RGS6: variants seen among roughly 807,000 people sequenced by gnomAD.
The protein encoded by RGS6 is regulator of G-protein signaling 6.
In RGS6, 30 loss-of-function variants were observed where a neutral mutation model predicts 78.5. The observed-to-expected ratio is 0.38, with a 90% CI of 0.29 to 0.52. The LOEUF (loss-of-function observed/expected upper bound fraction) is 0.52, where lower values mean the gene tolerates loss of function less well. RGS6 is among the 20% of genes least tolerant of loss of function. The probability of loss-of-function intolerance (pLI) is 0.85; values close to 1 mark genes in which losing one functional copy is unlikely to be tolerated. For synonymous variants in RGS6, 206 were observed against 206.0 expected (o/e 1.00, Z 0.00); for missense variants, 495 against 609.7 (o/e 0.81, Z 1.98).
At chr14:72,168,542 A>G (rs575009450) in intron 2 of RGS6, among the ~76,000 whole-genome samples, 1 of 152,362 alleles carries the variant, frequency 6.6e-6, no homozygotes, top group African/African-American at 2.4e-5. Context: ...GGCGTAAGAT[A>G]TCTCATCAAT....
chr14:72,415,954 C>G (rs912369639), intron 3 of RGS6, among the ~76,000 whole-genome samples: 1 of 151,988 alleles, frequency 6.6e-6, no homozygotes, highest in Non-Finnish European at 1.5e-5. Context: ...TCAAGACCAG[C>G]CTGACCAACG....
At chr14:72,398,400 C>T (rs565492309) in intron 3 of RGS6, among the ~76,000 whole-genome samples, 341 of 152,050 alleles carry the variant, frequency 2.2e-3, no homozygotes, top group African/African-American at 7.6e-3. Context: ...TGGTGATATC[C>T]CCTTTATCAT....
chr14:72,476,843 G>A lies in RGS6; in HGVS notation c.792+3G>A. The A allele has an allele frequency of 6.2e-7, 1 of 1,612,978 alleles. No individual in the cohort carries two copies. The highest frequency in any genetic ancestry group is 1.1e-5 in the South Asian group (1 of 91,050). On this transcript the variant is annotated splice_donor_region_variant and intron_variant, in intron 11 of 17. Transcript: ENST00000553525. The stretch of plus-strand genomic sequence containing the variant: ...CAAAAGAGGACATCCGGAAACAGGT[G>A]AATGAATTGACAGCTTGCACTCTCA...
At chr14:72,237,252 T>A (rs1026740250) in intron 2 of RGS6, among the ~76,000 whole-genome samples, 1 of 152,224 alleles carries the variant, frequency 6.6e-6, no homozygotes, top group African/African-American at 2.4e-5. Flanking sequence ...TATTTACTTA[T>A]CGATGGTCAC....
At chr14:71,885,653 A>G in the RGS6 span, among the ~76,000 whole-genome samples, 1 of 152,214 alleles carries the variant, frequency 6.6e-6, no homozygotes, top group Non-Finnish European at 1.5e-5. Context: ...GCTGTTGGAG[A>G]GTCTAAAACA....
intron 2 of RGS6, among the ~76,000 whole-genome samples, chr14:72,170,920 A>G (rs981330755): frequency 1.3e-5 from 2 of 152,210 alleles, no homozygotes; most frequent in African/African-American, 4.8e-5. Context: ...CTCAGGGTGC[A>G]TGCTGTCTCT....
chr14:72,444,381 G>A (rs1328086608), intron 3 of RGS6, among the ~76,000 whole-genome samples: 1 of 152,060 alleles, frequency 6.6e-6, no homozygotes, highest in East Asian at 1.9e-4. Context: ...GAGGTGAGGG[G>A]GGATGGGGCT....
chr14:72,620,875 G>A, the RGS6 span, among the ~76,000 whole-genome samples: 12 of 152,294 alleles, frequency 7.9e-5, no homozygotes, highest in African/African-American at 2.2e-4. Context: ...GCGCTGTGGC[G>A]CATGCCTGTA....
intron 3 of RGS6, among the ~76,000 whole-genome samples, chr14:72,356,265 A>T (rs1371830183): frequency 6.6e-6 from 1 of 152,026 alleles, no homozygotes; most frequent in African/African-American, 2.4e-5. Context: ...CATAATAGCG[A>T]GTGAGTTCTC....
chr14:72,405,353 C>T (rs1329646102), intron 3 of RGS6, among the ~76,000 whole-genome samples: 1 of 152,192 alleles, frequency 6.6e-6, no homozygotes, highest in Non-Finnish European at 1.5e-5. Flanking sequence ...CTCCTCTCAG[C>T]AGGGAAGCAA....
chr14:72,200,917 G>T (rs941434804), intron 2 of RGS6, among the ~76,000 whole-genome samples: 1 of 149,228 alleles, frequency 6.7e-6, no homozygotes, highest in South Asian at 2.1e-4. Context: ...ATGATTTAGG[G>T]ACAGTTCCTA....
intron 2 of RGS6, among the ~76,000 whole-genome samples, chr14:72,279,023 G>T (rs2061159784): frequency 6.6e-6 from 1 of 152,032 alleles, no homozygotes. Flanking sequence ...ATCCGATTGA[G>T]ACCCTACCTT....
chr14:72,058,995 C>T lies in RGS6; in HGVS notation c.84+94120C>T, dbSNP rs1329053784. 2.0e-5 allele frequency among the ~76,000 whole-genome samples: 3 copies of T among 152,294 alleles called. No individual in the cohort carries two copies. The East Asian group carries it at 5.8e-4, about 29-fold the overall frequency. Reference sequence around the variant, plus strand: ...CTTGGCTCACTGCAACCTCTACCTCCTGGGCTCAACTGATTCTTGTGCCTC... The same window carrying T: ...CTTGGCTCACTGCAACCTCTACCTCTTGGGCTCAACTGATTCTTGTGCCTC... On this transcript the variant is annotated intron_variant, in intron 2 of 17. Coordinates refer to ENST00000553525, the MANE Select transcript of RGS6 (RefSeq NM_001204424.2).
intron 2 of RGS6, among the ~76,000 whole-genome samples, chr14:72,160,336 TA>T (rs1243825070): frequency 4.1e-5 from 6 of 146,788 alleles, no homozygotes; most frequent in Non-Finnish European, 6.1e-5. Context: ...TGGAAGCCAA[TA>T]AATATGTAAA....
chr14:72,583,157 CCT>C, the RGS6 span, among the ~76,000 whole-genome samples: 1 of 152,134 alleles, frequency 6.6e-6, no homozygotes, highest in Non-Finnish European at 1.5e-5. Flanking sequence ...AGGCCGTCAG[CCT>C]CAAACTGAGA....
chr14:72,417,658 A>G (rs942429314), intron 3 of RGS6, among the ~76,000 whole-genome samples: 11 of 152,202 alleles, frequency 7.2e-5, no homozygotes, highest in Non-Finnish European at 7.3e-5. Flanking sequence ...TGGGCTCATT[A>G]TTTAGCAAGC....
intron 2 of RGS6, among the ~76,000 whole-genome samples, chr14:72,077,627 C>T (rs956176537): frequency 2.0e-5 from 3 of 152,070 alleles, no homozygotes; most frequent in Admixed American, 6.6e-5. Flanking sequence ...TTTAATCTGC[C>T]TGTCTTTTTT....
intron 2 of RGS6, among the ~76,000 whole-genome samples, chr14:72,223,109 A>C (rs2047259474): frequency 1.3e-5 from 2 of 152,232 alleles, no homozygotes; most frequent in African/African-American, 4.8e-5. Context: ...CAAGAGTTCA[A>C]ATTTGTTGAT....
chr14:72,306,522 G>A (rs1233126974), intron 2 of RGS6, among the ~76,000 whole-genome samples: 1 of 152,210 alleles, frequency 6.6e-6, no homozygotes, highest in African/African-American at 2.4e-5. Flanking sequence ...AGTTCCAGAT[G>A]CCATTAAGAA....
Sources: allele counts gnomAD v4.1 joint callset (sites outside exome capture counted in the v4.1 genomes callset), GRCh38; gene constraint gnomAD v4.1.1; transcripts MANE v1.5; gene names NCBI Gene and HGNC (gene_info 2026-07-23, HGNC 2026-07-21).